The following SLCO1A2 variants were observed in gnomAD, a reference collection of about 807,000 sequenced individuals.
SLCO1A2 encodes OATP-1.
In SLCO1A2, 67 loss-of-function variants were observed where a neutral mutation model predicts 69.0. The ratio of observed to expected loss-of-function variants is 0.97; its 90% CI spans 0.80 to 1.19. The LOEUF (loss-of-function observed/expected upper bound fraction) is 1.19. Ranked by LOEUF, SLCO1A2 falls within the 50% of genes most tolerant of loss-of-function variation. SLCO1A2 has a pLI of 0.00. For missense variants in SLCO1A2, 787 were observed against 793.7 expected (o/e 0.99, Z 0.10); for synonymous variants, 260 against 265.9 (o/e 0.98, Z 0.22).
chr12:21,305,388 C>G (rs1360479101), intron 5 of SLCO1A2, among the ~76,000 whole-genome samples: 1 of 152,186 alleles, frequency 6.6e-6, no homozygotes, highest in African/African-American at 2.4e-5. Context: ...CTCTCACCTC[C>G]TATAAATTTG....
chr12:21,341,644 G>A (rs1003036900), intron 2 of SLCO1A2, among the ~76,000 whole-genome samples: 16 of 152,008 alleles, frequency 1.1e-4, no homozygotes, highest in African/African-American at 3.9e-4. Context: ...TAATGTTCCT[G>A]ACTGGAGTCA....
intron 6 of SLCO1A2, among the ~76,000 whole-genome samples, chr12:21,303,349 A>C (rs1220024355): frequency 6.6e-6 from 1 of 152,146 alleles, no homozygotes; most frequent in Non-Finnish European, 1.5e-5. Flanking sequence ...CATTCTTTTA[A>C]TATAAGTTTG....
chr12:21,299,766 G>A (rs371462121), intron 8 of SLCO1A2, among the ~76,000 whole-genome samples: 14 of 95,494 alleles, frequency 1.5e-4, no homozygotes, highest in Non-Finnish European at 2.3e-4. Flanking sequence ...ATATATATAC[G>A]TGTGTATATA....
Position 21,392,566 on chromosome 12 carries a change from T to C in SLCO1A2, c.-190+2340A>G, listed in dbSNP as rs527526413. 7.2e-5 allele frequency among the ~76,000 whole-genome samples: 11 copies of C among 152,290 alleles called. No homozygotes were observed. The East Asian group carries it at 2.1e-3, about 29-fold the overall frequency. ...TACCTCCCCCTAACAGAAGTGAAAG[T>C]GGGACACACAGCACAACTCTCTCTA... is the stretch of plus-strand genomic sequence containing the variant. On this transcript the variant is annotated intron_variant, in intron 1 of 15. Transcript: ENST00000307378.
At chr12:21,389,347 AAACTT>A (rs751792432) in intron 1 of SLCO1A2, among the ~76,000 whole-genome samples, 81 of 152,272 alleles carry the variant, frequency 5.3e-4, no homozygotes, top group South Asian at 1.5e-3. Context: ...TATATATTTA[AAACTT>A]AACTTAGTCT....
chr12:21,317,848 A>C (rs1379190556), intron 3 of SLCO1A2, among the ~76,000 whole-genome samples: 1 of 152,164 alleles, frequency 6.6e-6, no homozygotes, highest in Non-Finnish European at 1.5e-5. Flanking sequence ...TTTTTCATGG[A>C]AGAAATCTTC....
upstream of SLCO1A2, chr12:21,419,348 G>C (rs1942042910): frequency 6.4e-6 from 1 of 155,758 alleles, no homozygotes; most frequent in Non-Finnish European, 1.4e-5. Context: ...GTGGGCGCAG[G>C]TCAGTGGGTG....
At chr12:21,419,626 G>A (rs758428937), upstream of SLCO1A2, 91 of 166,778 alleles carry the variant, frequency 5.5e-4, no homozygotes, top group Admixed American at 1.9e-3. Flanking sequence ...TCTGCAAGGC[G>A]GCAATGAGGC....
chr12:21,279,638 C>T (rs1469688196), intron 12 of SLCO1A2, among the ~76,000 whole-genome samples: 1 of 152,072 alleles, frequency 6.6e-6, no homozygotes, highest in Non-Finnish European at 1.5e-5. Context: ...AAAGATTTTC[C>T]CAGACAAGCA....
At chr12:21,373,001 A>G in intron 2 of SLCO1A2, 1 of 276,644 alleles carries the variant, frequency 3.6e-6, no homozygotes, top group Non-Finnish European at 6.9e-6. Flanking sequence ...TGAAACATTA[A>G]AAGGTAAAGA....
At chr12:21,288,247 G>T (rs1946273401) in intron 12 of SLCO1A2, among the ~76,000 whole-genome samples, 1 of 152,100 alleles carries the variant, frequency 6.6e-6, no homozygotes, top group Non-Finnish European at 1.5e-5. Flanking sequence ...TTCAAGACCA[G>T]CCGGGCCAAC....
intron 6 of SLCO1A2, among the ~76,000 whole-genome samples, chr12:21,303,511 C>A (rs905993235): frequency 3.3e-5 from 5 of 152,192 alleles, no homozygotes; most frequent in African/African-American, 4.8e-5. Flanking sequence ...CATCTTCTCT[C>A]ACCCTCTTTG....
At chr12:21,301,342 G>T in intron 6 of SLCO1A2, 73 bp from the exon 7 acceptor site, 1 of 925,190 alleles carries the variant, frequency 1.1e-6, no homozygotes, top group African/African-American at 1.7e-5. Flanking sequence ...TCTATGAAAA[G>T]CCTGAAGATT....
At chr12:21,313,487 G>A (rs1019292815) in intron 4 of SLCO1A2, among the ~76,000 whole-genome samples, 5 of 152,170 alleles carry the variant, frequency 3.3e-5, no homozygotes, top group Admixed American at 6.5e-5. Flanking sequence ...CGAGGTGGGC[G>A]GATTGCTTGA....
intron 1 of SLCO1A2, among the ~76,000 whole-genome samples, chr12:21,388,007 C>T (rs1371773219): frequency 2.0e-5 from 3 of 152,182 alleles, no homozygotes; most frequent in Admixed American, 6.5e-5. Context: ...AATGACTGCC[C>T]ATTGGATTTT....
At chr12:21,303,998 T>G (rs1949041682) in intron 6 of SLCO1A2, among the ~76,000 whole-genome samples, 1 of 152,058 alleles carries the variant, frequency 6.6e-6, no homozygotes, top group African/African-American at 2.4e-5. Flanking sequence ...TCTTAAAAAC[T>G]GAGAAAATAA....
In SLCO1A2 at chr12:21,362,274, C is replaced by G. The variant is rs147258477; in HGVS notation, c.-63+12125G>C. On this transcript the variant is annotated intron_variant, in intron 2 of 15. Coordinates refer to the SLCO1A2 transcript ENST00000307378. ...ATTCTTAAAGAAAAGAATTTTCAAC[C>G]CAGAATTTCATACCCAGTCAAACTA... Among the ~76,000 whole-genome samples the G allele has an allele frequency of 3.6e-4, 55 of 152,130 alleles. 1 individual carries two copies. In the East Asian group the frequency reaches 8.3e-3, roughly 23 times the overall value.
chr12:21,364,433 G>C (rs78848555), intron 2 of SLCO1A2, among the ~76,000 whole-genome samples: 7,859 of 152,094 alleles, frequency 0.052, 283 homozygotes, highest in Non-Finnish European at 0.079. Context: ...AAACCCACAG[G>C]CAATATCATA....
At chr12:21,291,889 G>A (rs1946915005) in intron 12 of SLCO1A2, among the ~76,000 whole-genome samples, 1 of 152,036 alleles carries the variant, frequency 6.6e-6, no homozygotes, top group Admixed American at 6.6e-5. Context: ...ATATAAATGT[G>A]TCTCTTTTGT....
Sources: gnomAD v4.1 joint callset for allele counts (sites outside exome capture counted in the v4.1 genomes callset) on GRCh38, gnomAD v4.1.1 for gene constraint, MANE v1.5 for transcripts, NCBI Gene and HGNC (gene_info 2026-07-23, HGNC 2026-07-21) for gene names.